Variants in GABRG3 observed in about 807,000 individuals in gnomAD.
The protein encoded by GABRG3 is gamma-aminobutyric acid type A receptor subunit gamma3, also known as gamma-aminobutyric acid receptor subunit gamma-3.
GABRG3 carries 25 observed loss-of-function variants against 48.8 expected under a neutral mutation model. That is an observed-to-expected ratio of 0.51 (90% CI 0.37 to 0.72). The LOEUF (loss-of-function observed/expected upper bound fraction) is 0.72, where lower values mean the gene tolerates loss of function less well. GABRG3 is among the 30% of genes least tolerant of loss of function. The pLI, the probability that GABRG3 is intolerant of heterozygous loss-of-function variation, is 0.00. For synonymous variants in GABRG3, 227 were observed against 217.6 expected (o/e 1.04, Z -0.38); for missense variants, 394 against 577.9 (o/e 0.68, Z 3.26).
At chr15:27,265,428 T>C (rs1423375588) in intron 3 of GABRG3, among the ~76,000 whole-genome samples, 1 of 152,240 alleles carries the variant, frequency 6.6e-6, no homozygotes, top group African/African-American at 2.4e-5. Context: ...AAAAATCCTT[T>C]ATCTAAATAC....
Position 27,366,823 on chromosome 15 carries a change from C to T in GABRG3, c.574+37935C>T, listed in dbSNP as rs117803376. On this transcript the variant is annotated intron_variant, in intron 5 of 9. Transcript: ENST00000615808. ...TAATAGAACCTTGTGCCCATGTGCC[C>T]GTGTCCCCCTGCCCACCTTGACCCT... 1.4e-3 allele frequency among the ~76,000 whole-genome samples: 209 copies of T among 152,258 alleles called. 3 individuals carry two copies. In the East Asian group the frequency reaches 0.033, roughly 24 times the overall value.
rs372666035 is a variant in GABRG3 at position 27,139,005 on chromosome 15, TGATA to T, written c.270+112199_270+112202del. Among the ~76,000 whole-genome samples the T allele has an allele frequency of 1.7e-3, 255 of 151,766 alleles. 2 individuals carry two copies. Among genetic ancestry groups the T allele is most frequent in the Non-Finnish European group, 2.4e-3 (165 of 67,892 alleles). On this transcript the variant is annotated intron_variant, in intron 3 of 9. Transcript: ENST00000615808. ...ACCCAACAGGGGATGGGTGGATAGG[TGATA>T]GATAGATAGATAGACAGACAGACAG...
intron 3 of GABRG3, among the ~76,000 whole-genome samples, chr15:27,134,095 C>T (rs952783815): frequency 6.6e-6 from 1 of 152,174 alleles, no homozygotes; most frequent in African/African-American, 2.4e-5. Flanking sequence ...GCGAATTTCA[C>T]ATCACTGAGC....
chr15:27,532,628 C>G lies in GABRG3; in HGVS notation c.1151C>G (p.Pro384Arg), dbSNP rs199520183. ...SNYSLLDMRP[P>R]PTAMITLNNS... ...TATTCCCTCCTGGACATGAGGCCAC[C>G]ACCAACTGCGATGATCACTTTAAAC... The change falls in exon 10 of 10, where the codon CCA (proline) becomes CGA (arginine). Residue 384 changes from proline to arginine, a missense_variant. By Grantham distance (103) the Pro-to-Arg change is moderately radical (BLOSUM62 -2). This residue lies in a region of GABRG3 where 126 missense variants were observed against 155.5 expected (regional missense o/e 0.81). Coordinates refer to ENST00000615808, the MANE Select transcript of GABRG3 (RefSeq NM_033223.5). 1.9e-4 allele frequency: 310 copies of G among 1,613,928 alleles called. No homozygotes were observed. Among genetic ancestry groups the G allele is most frequent in the Non-Finnish European group, 2.4e-4 (289 of 1,179,876 alleles).
intron 3 of GABRG3, among the ~76,000 whole-genome samples, chr15:27,122,082 T>C (rs1294837892): frequency 6.6e-6 from 1 of 152,172 alleles, no homozygotes; most frequent in African/African-American, 2.4e-5. Context: ...TAATTGTACA[T>C]TTTAAAATAA....
In GABRG3 at chr15:27,271,736, T is replaced by C. The variant is rs28439061; in HGVS notation, c.271-55073T>C. 1.6e-3 allele frequency: 696 copies of C among 427,176 alleles called. 2 individuals are homozygous for C. The highest frequency in any genetic ancestry group is 0.013 in the African/African-American group (629 of 49,546). The allele number at this position is 427,176 out of a possible 1,614,324, so 26.5% of individuals were successfully genotyped here. On this transcript the variant is annotated intron_variant, in intron 3 of 9. Coordinates refer to ENST00000615808, the MANE Select transcript of GABRG3 (RefSeq NM_033223.5). ...AGGGACCTCCTGCACCAAGAGCCAA[T>C]GCACCTTAGATCAGGAGAGAGGAGA...
chr15:27,414,002 T>A (rs1302305011), intron 5 of GABRG3, among the ~76,000 whole-genome samples: 3 of 152,214 alleles, frequency 2.0e-5, no homozygotes, highest in Non-Finnish European at 4.4e-5. Flanking sequence ...GTGGAGTTCC[T>A]TAGAGATGTT....
At chr15:27,435,654 G>A (rs994859480) in intron 5 of GABRG3, among the ~76,000 whole-genome samples, 1 of 152,254 alleles carries the variant, frequency 6.6e-6, no homozygotes, top group African/African-American at 2.4e-5. Context: ...CTAGTCTCTC[G>A]TTATCTTATC....
intron 3 of GABRG3, among the ~76,000 whole-genome samples, chr15:27,228,157 T>C (rs924119158): frequency 6.6e-6 from 1 of 152,218 alleles, no homozygotes; most frequent in Non-Finnish European, 1.5e-5. Flanking sequence ...TTGTTGTACA[T>C]ATTAATACAT....
chr15:27,038,198 GGAAGT>G, intron 3 of GABRG3, among the ~76,000 whole-genome samples: 1 of 152,122 alleles, frequency 6.6e-6, no homozygotes, highest in South Asian at 2.1e-4. Flanking sequence ...TCTAAGACTG[GGAAGT>G]CCAAGTCTAA....
At chr15:27,414,980 C>T (rs941094856) in intron 5 of GABRG3, among the ~76,000 whole-genome samples, 1 of 152,078 alleles carries the variant, frequency 6.6e-6, no homozygotes, top group East Asian at 1.9e-4. Flanking sequence ...TTATTTTCGG[C>T]ATTTATCCTG....
chr15:27,004,381 G>A (rs937546874), intron 2 of GABRG3, among the ~76,000 whole-genome samples: 97 of 150,532 alleles, frequency 6.4e-4, no homozygotes, highest in African/African-American at 2.0e-3. Flanking sequence ...CTCACTTCCT[G>A]GATGTGATGG....
At position 27,306,603 on chromosome 15, in the gene GABRG3, G is replaced by A. The variant is rs62651102; in HGVS notation, c.271-20206G>A. Among the ~76,000 whole-genome samples, 42 of 60,634 alleles carry A rather than the reference G, an allele frequency of 6.9e-4. 1 individual carries two copies. The highest frequency in any genetic ancestry group is 0.023 in the Middle Eastern group (1 of 44). 39.8% of individuals were successfully genotyped at this position (60,634 alleles called of 152,430 possible). ...ATATAAACATATAATATAAACATAT[G>A]TTTATATATAAACATATATAATATA... On this transcript the variant is annotated intron_variant, in intron 3 of 9. Coordinates refer to ENST00000615808, the MANE Select transcript of GABRG3 (RefSeq NM_033223.5).
At chr15:26,994,140 C>CT (rs1392882543) in intron 2 of GABRG3, among the ~76,000 whole-genome samples, 4 of 151,836 alleles carry the variant, frequency 2.6e-5, no homozygotes, top group Non-Finnish European at 4.4e-5. Context: ...ATCATTGGGT[C>CT]TTTTTTTCCC....
At chr15:27,341,502 A>G (rs537141320) in intron 5 of GABRG3, among the ~76,000 whole-genome samples, 2 of 152,290 alleles carry the variant, frequency 1.3e-5, no homozygotes, top group East Asian at 3.9e-4. Flanking sequence ...TGGAGCCTGC[A>G]CACTTCCGTA....
Position 27,066,176 on chromosome 15 carries a change from T to C in GABRG3, c.270+39355T>C, listed in dbSNP as rs1004315682. On this transcript the variant is annotated intron_variant, in intron 3 of 9. Transcript: ENST00000615808. The stretch of plus-strand genomic sequence containing the variant: ...CAGACATCTCTGATACTCCTTTTTT[T>C]CCTAAGCCCTGATAGAGCTAATAGT... Among the ~76,000 whole-genome samples, 7 of 152,356 alleles carry C rather than the reference T, an allele frequency of 4.6e-5. 1 individual carries two copies. The South Asian group carries it at 1.4e-3, about 32-fold the overall frequency.
At chr15:27,276,068 CA>C (rs1232231295) in intron 3 of GABRG3, among the ~76,000 whole-genome samples, 1 of 152,156 alleles carries the variant, frequency 6.6e-6, no homozygotes, top group Non-Finnish European at 1.5e-5. Flanking sequence ...TGAGAACGAG[CA>C]AAGGCTGTTC....
At chr15:27,219,243 T>A (rs1048997796) in intron 3 of GABRG3, among the ~76,000 whole-genome samples, 1 of 152,202 alleles carries the variant, frequency 6.6e-6, no homozygotes, top group African/African-American at 2.4e-5. Flanking sequence ...AGTATTTTCA[T>A]GTGTGCAGTG....
chr15:27,486,802 A>C (rs1374819764), intron 6 of GABRG3, among the ~76,000 whole-genome samples: 1 of 152,156 alleles, frequency 6.6e-6, no homozygotes, highest in Non-Finnish European at 1.5e-5. Flanking sequence ...ATTATTATTG[A>C]CTCAATGTAG....
Sources: gnomAD v4.1 joint callset for allele counts (sites outside exome capture counted in the v4.1 genomes callset) on GRCh38, gnomAD v4.1.1 for gene constraint, gnomAD v4.1.1 regional missense constraint, MANE v1.5 for transcripts, NCBI Gene and HGNC (gene_info 2026-07-23, HGNC 2026-07-21) for gene names.